The following SLC16A1 variants were observed in gnomAD, a reference collection of about 807,000 sequenced individuals.
SLC16A1 encodes monocarboxylate transporter 1.
In SLC16A1, 11 loss-of-function variants were observed where a neutral mutation model predicts 32.2. The ratio of observed to expected loss-of-function variants is 0.34; its 90% CI spans 0.21 to 0.56. The LOEUF is 0.56. Ranked by LOEUF, SLC16A1 falls within the 20% of genes least tolerant of loss-of-function variation. The pLI, the probability that SLC16A1 is intolerant of heterozygous loss-of-function variation, is 0.87. For synonymous variants in SLC16A1, 231 were observed against 226.8 expected (o/e 1.02, Z -0.17); for missense variants, 435 against 615.0 (o/e 0.71, Z 3.10).
intron 3 of SLC16A1, among the ~76,000 whole-genome samples, chr1:112,920,520 C>A (rs1417698133): frequency 6.6e-6 from 1 of 152,046 alleles, no homozygotes; most frequent in South Asian, 2.1e-4. Flanking sequence ...GCAGGAGAAT[C>A]GCTTGAACCC....
In SLC16A1 at chr1:112,912,107, A is replaced by C. The variant is rs1241291465; in HGVS notation, c.*1784T>G. 6.6e-6 allele frequency: 1 copy of C among 152,236 alleles called. No individual in the cohort carries two copies. Among genetic ancestry groups the C allele is most frequent in the African/African-American group, 2.4e-5 (1 of 41,466 alleles). 9.4% of individuals were successfully genotyped at this position (152,236 alleles called of 1,614,324 possible). ...AAAGGGAGTTTTTCATTGTTTCCTT[A>C]AGGTTAACTGCTCTGGATGCTCTCA... is the stretch of plus-strand genomic sequence containing the variant. On this transcript the variant is annotated 3_prime_UTR_variant, in exon 5 of 5. Coordinates refer to ENST00000369626, the MANE Select transcript of SLC16A1 (RefSeq NM_003051.4).
At chr1:112,950,391 G>T (rs141916855) in intron 1 of SLC16A1, among the ~76,000 whole-genome samples, 4 of 152,272 alleles carry the variant, frequency 2.6e-5, no homozygotes, top group African/African-American at 9.6e-5. Flanking sequence ...TCTTCAAAAG[G>T]TTTGTGTAGG....
intron 1 of SLC16A1, among the ~76,000 whole-genome samples, chr1:112,946,983 G>C (rs1295903289): frequency 6.6e-6 from 1 of 152,184 alleles, no homozygotes; most frequent in Non-Finnish European, 1.5e-5. Context: ...TACCTAAGTT[G>C]AGAGTCCTAT....
chr1:112,922,734 C>G (rs542820403), intron 2 of SLC16A1, among the ~76,000 whole-genome samples: 2 of 151,972 alleles, frequency 1.3e-5, no homozygotes, highest in South Asian at 4.1e-4. Context: ...AAGATTGCGC[C>G]ACTGCACTCC....
chr1:112,914,236 T>G, intron 4 of SLC16A1, 71 bp from the exon 5 acceptor site: 2 of 1,526,372 alleles, frequency 1.3e-6, no homozygotes, highest in East Asian at 4.5e-5. Flanking sequence ...AAGCAAAGCT[T>G]AAGGATCCAT....
chr1:112,934,189 A>C (rs1649225282), intron 1 of SLC16A1, among the ~76,000 whole-genome samples: 1 of 152,272 alleles, frequency 6.6e-6, no homozygotes, highest in African/African-American at 2.4e-5. Context: ...TATGAAACCC[A>C]AAATCTGAAA....
At chr1:112,929,601 C>T (rs1260009073) in intron 1 of SLC16A1, among the ~76,000 whole-genome samples, 1 of 152,080 alleles carries the variant, frequency 6.6e-6, no homozygotes, top group Non-Finnish European at 1.5e-5. Context: ...GTCCCAGCTA[C>T]TCAGGAGGCT....
chr1:112,933,074 CTA>C (rs1649191053), intron 1 of SLC16A1, among the ~76,000 whole-genome samples: 1 of 152,004 alleles, frequency 6.6e-6, no homozygotes, highest in Non-Finnish European at 1.5e-5. Flanking sequence ...ACACTGAAAA[CTA>C]TAATACTGAG....
intron 1 of SLC16A1, chr1:112,955,536 G>T (rs886351543): frequency 6.6e-6 from 1 of 152,350 alleles, no homozygotes; most frequent in Non-Finnish European, 1.5e-5. Flanking sequence ...AAGTCACCAG[G>T]TGGGGCAAGG....
intron 1 of SLC16A1, among the ~76,000 whole-genome samples, chr1:112,930,346 T>G (rs186721213): frequency 6.6e-6 from 1 of 152,290 alleles, no homozygotes; most frequent in Non-Finnish European, 1.5e-5. Context: ...ACCCCCACAC[T>G]TCTGGTTACA....
intron 1 of SLC16A1, among the ~76,000 whole-genome samples, chr1:112,949,371 T>C (rs1649811685): frequency 6.6e-6 from 1 of 152,046 alleles, no homozygotes; most frequent in Admixed American, 6.6e-5. Flanking sequence ...TATTATGCCT[T>C]AATTTGTGAC....
rs576684543 is a variant in SLC16A1 at position 112,942,517 on chromosome 1, A to C, written c.-44-13165T>G. Among the ~76,000 whole-genome samples, 20 of 152,360 alleles carry C rather than the reference A, an allele frequency of 1.3e-4. No homozygotes were observed. In the South Asian group the frequency reaches 4.1e-3, roughly 32 times the overall value. On this transcript the variant is annotated intron_variant, in intron 1 of 4. Coordinates refer to ENST00000369626, the MANE Select transcript of SLC16A1 (RefSeq NM_003051.4). ...CTGGCTTGTTAGGTGAAATGGGTTT[A>C]AGTTTTCCTAGACAGCTGCCTGGCA...
intron 2 of SLC16A1, chr1:112,924,000 C>T (rs917721175): frequency 2.8e-6 from 4 of 1,415,208 alleles, no homozygotes; most frequent in Non-Finnish European, 4.0e-6. Context: ...GGACAGGAAA[C>T]AGCCCATGGG....
At chr1:112,947,024 T>C (rs1244959349) in intron 1 of SLC16A1, among the ~76,000 whole-genome samples, 2 of 152,378 alleles carry the variant, frequency 1.3e-5, no homozygotes. Context: ...TATTTCTTGG[T>C]TGGCCAGGAG....
At chr1:112,940,808 TA>T (rs536366901) in intron 1 of SLC16A1, among the ~76,000 whole-genome samples, 21 of 152,162 alleles carry the variant, frequency 1.4e-4, no homozygotes, top group Admixed American at 6.5e-4. Context: ...TTTAGTCAGT[TA>T]AAAAAGAACA....
At position 112,913,848 on chromosome 1, in the gene SLC16A1, C is replaced by T. The variant is rs747489976; in HGVS notation, c.*43G>A. The stretch of plus-strand genomic sequence containing the variant: ...AGGCCAGTAGAATATTTTCAGATAT[C>T]CTGGGTCATGAACTGCTCAATTTAC... On this transcript the variant is annotated 3_prime_UTR_variant, in exon 5 of 5. Transcript: ENST00000369626. The T allele has an allele frequency of 3.1e-6, 5 of 1,612,104 alleles. No individual in the cohort carries two copies. The highest frequency in any genetic ancestry group is 2.2e-5 in the South Asian group (2 of 91,036).
At chr1:112,952,071 A>G (rs1306127130) in intron 1 of SLC16A1, among the ~76,000 whole-genome samples, 2 of 152,122 alleles carry the variant, frequency 1.3e-5, no homozygotes, top group Non-Finnish European at 1.5e-5. Flanking sequence ...CTCTCCCCCA[A>G]CACTCCCACT....
chr1:112,928,363 A>C (rs572970627), intron 2 of SLC16A1, among the ~76,000 whole-genome samples: 2 of 152,370 alleles, frequency 1.3e-5, no homozygotes, highest in Admixed American at 6.5e-5. Context: ...TACCTAGCCC[A>C]GTGCTGAATA....
At chr1:112,920,366 G>C (rs1648677627) in intron 3 of SLC16A1, among the ~76,000 whole-genome samples, 1 of 152,198 alleles carries the variant, frequency 6.6e-6, no homozygotes, top group Non-Finnish European at 1.5e-5. Flanking sequence ...CCAGCACTTT[G>C]GGAGGCAGCG....
Sources: allele counts gnomAD v4.1 joint callset (sites outside exome capture counted in the v4.1 genomes callset), GRCh38; gene constraint gnomAD v4.1.1; transcripts MANE v1.5; gene names NCBI Gene and HGNC (gene_info 2026-07-23, HGNC 2026-07-21).